The following CYP2C18 variants were observed in gnomAD, a reference collection of about 807,000 sequenced individuals.
CYP2C18 encodes the protein cytochrome P450 2C18.
Under a neutral mutation model 41.3 loss-of-function variants are expected in CYP2C18, and 38 were observed. The observed-to-expected ratio is 0.92, with a 90% CI of 0.71 to 1.21. The LOEUF (loss-of-function observed/expected upper bound fraction) is 1.21, where lower values mean the gene tolerates loss of function less well. CYP2C18 is among the 50% of genes most tolerant of loss of function. The probability of loss-of-function intolerance (pLI) is 0.00; values close to 1 mark genes in which losing one functional copy is unlikely to be tolerated. For missense variants in CYP2C18, 635 were observed against 591.4 expected, an observed-to-expected ratio of 1.07 and a Z score of -0.77; for synonymous variants, 236 against 210.0, an observed-to-expected ratio of 1.12 and a Z score of -1.07.
intron 1 of CYP2C18, among the ~76,000 whole-genome samples, chr10:94,687,291 G>A (rs1057055626): frequency 6.6e-6 from 1 of 151,428 alleles, no homozygotes; most frequent in African/African-American, 2.4e-5. Context: ...TTGATGACAG[G>A]ACTCCTGCAT....
chr10:94,699,565 C>A (rs980642965), intron 4 of CYP2C18, among the ~76,000 whole-genome samples: 3 of 152,140 alleles, frequency 2.0e-5, no homozygotes, highest in Non-Finnish European at 2.9e-5. Flanking sequence ...TGAAAACAGG[C>A]ACAAGACAGG....
intron 3 of CYP2C18, among the ~76,000 whole-genome samples, chr10:94,689,159 A>G (rs1475122564): frequency 6.6e-6 from 1 of 152,198 alleles, no homozygotes; most frequent in Non-Finnish European, 1.5e-5. Context: ...AATGTTTTAT[A>G]TATTTTAAGA....
intron 5 of CYP2C18, among the ~76,000 whole-genome samples, chr10:94,712,807 C>G (rs1181092348): frequency 6.6e-6 from 1 of 152,198 alleles, no homozygotes; most frequent in Non-Finnish European, 1.5e-5. Context: ...TTCCCATCAA[C>G]AGTACACAAG....
intron 3 of CYP2C18, among the ~76,000 whole-genome samples, chr10:94,694,406 C>A (rs1847074545): frequency 6.6e-6 from 1 of 152,084 alleles, no homozygotes; most frequent in Non-Finnish European, 1.5e-5. Flanking sequence ...TTTGTTCCAT[C>A]AACCTGAATT....
chr10:94,699,398 A>T (rs1847188346), intron 4 of CYP2C18, among the ~76,000 whole-genome samples: 1 of 152,152 alleles, frequency 6.6e-6, no homozygotes. Context: ...ACCTCAATAG[A>T]TGCAGAAAAG....
intron 4 of CYP2C18, among the ~76,000 whole-genome samples, chr10:94,696,859 C>G (rs970187225): frequency 2.6e-5 from 4 of 151,946 alleles, no homozygotes; most frequent in African/African-American, 9.7e-5. Flanking sequence ...CCGATTTGAT[C>G]AACTGGAAGA....
At chr10:94,729,613 G>A (rs559947691) in intron 7 of CYP2C18, among the ~76,000 whole-genome samples, 5 of 152,150 alleles carry the variant, frequency 3.3e-5, no homozygotes, top group Admixed American at 6.5e-5. Context: ...TTATCAATTC[G>A]AAAAACAGTA....
rs557071037 is a variant in CYP2C18, at chr10:94,731,935, G to A, written c.1150-1362G>A. On this transcript the variant is annotated intron_variant, in intron 7 of 8. Transcript: ENST00000285979. ...AGAATTCATGACTAAGTCCTCAAAAGCAATCACAATGAAAAAAAATTGATA... is the reference window on the plus strand; with the variant it reads ...AGAATTCATGACTAAGTCCTCAAAAACAATCACAATGAAAAAAAATTGATA... Among the ~76,000 whole-genome samples the A allele has an allele frequency of 8.6e-4, 131 of 152,092 alleles. 1 individual carries two copies. The highest frequency in any genetic ancestry group is 6.8e-3 in the Middle Eastern group (2 of 294).
intron 3 of CYP2C18, among the ~76,000 whole-genome samples, chr10:94,689,894 A>C (rs528936741): frequency 2.4e-4 from 36 of 152,184 alleles, no homozygotes; most frequent in African/African-American, 8.4e-4. Flanking sequence ...CCCAGAGCCC[A>C]CAGAAATTGT....
intron 7 of CYP2C18, 147 bp downstream of exon 7, chr10:94,724,680 G>C: frequency 2.6e-6 from 2 of 755,322 alleles, no homozygotes; most frequent in South Asian, 3.6e-5. Context: ...TTCCATTCCA[G>C]TTTGGGCCTA....
intron 5 of CYP2C18, among the ~76,000 whole-genome samples, chr10:94,715,154 A>G (rs752320405): frequency 2.6e-5 from 4 of 152,240 alleles, no homozygotes; most frequent in East Asian, 1.9e-4. Context: ...CTCTTTTCCT[A>G]ATTGAATACC....
intron 3 of CYP2C18, among the ~76,000 whole-genome samples, chr10:94,692,571 T>A (rs534386794): frequency 8.5e-4 from 129 of 152,314 alleles, no homozygotes; most frequent in Non-Finnish European, 1.6e-3. Context: ...ACACTGTTGG[T>A]GGGACTGTAA....
At chr10:94,718,653 C>G (rs1847597343) in intron 5 of CYP2C18, among the ~76,000 whole-genome samples, 1 of 152,060 alleles carries the variant, frequency 6.6e-6, no homozygotes, top group Non-Finnish European at 1.5e-5. Flanking sequence ...GACATGCTAA[C>G]AAGTCTCATC....
Position 94,683,783 on chromosome 10 carries a change from A to C in CYP2C18, c.-37A>C. The C allele has an allele frequency of 6.6e-7, 1 of 1,521,264 alleles. No homozygotes were observed. Among genetic ancestry groups the C allele is most frequent in the East Asian group, 2.3e-5 (1 of 42,874 alleles). The allele number at this position is 1,521,264 out of a possible 1,614,324, so 94.2% of individuals were successfully genotyped here. On this transcript the variant is annotated 5_prime_UTR_variant, in exon 1 of 9. Coordinates refer to ENST00000285979, the MANE Select transcript of CYP2C18 (RefSeq NM_000772.3). ...GAGTGTTATAAAAGCCTTGAAGTGA[A>C]AGCCCGCAGTTGTCTTACTAAGAAG...
intron 5 of CYP2C18, among the ~76,000 whole-genome samples, chr10:94,719,300 G>C (rs1050939810): frequency 6.6e-6 from 1 of 151,994 alleles, no homozygotes; most frequent in Non-Finnish European, 1.5e-5. Flanking sequence ...TCACATACAG[G>C]GTGTCATGTT....
rs1162067859 is a variant in CYP2C18, at chr10:94,735,399, T to C, written c.1428T>C (p.Phe476=). The change falls in exon 9 of 9, where the codon TTT becomes TTC. Residue 476 remains phenylalanine, a synonymous_variant. Transcript: ENST00000285979. ...DIDITPIANA[F]GRVPPLYQLC... is the part of the protein sequence containing the mutation. ...ACATCACCCCCATTGCCAATGCATT[T>C]GGTCGTGTGCCACCCTTGTACCAGC... 6.8e-6 allele frequency: 11 copies of C among 1,613,736 alleles called. No homozygotes were observed. Among genetic ancestry groups the C allele is most frequent in the Non-Finnish European group, 8.5e-6 (10 of 1,179,696 alleles).
At chr10:94,692,308 A>T (rs1847016351) in intron 3 of CYP2C18, among the ~76,000 whole-genome samples, 2 of 152,150 alleles carry the variant, frequency 1.3e-5, no homozygotes, top group Non-Finnish European at 2.9e-5. Context: ...AATCACAATG[A>T]ACTCAAACAA....
At chr10:94,710,542 C>A (rs1197224048) in intron 5 of CYP2C18, among the ~76,000 whole-genome samples, 1 of 152,136 alleles carries the variant, frequency 6.6e-6, no homozygotes, top group Non-Finnish European at 1.5e-5. Flanking sequence ...TTTAGATCTT[C>A]TTTAATTTCT....
In CYP2C18 at chr10:94,687,928, A is replaced by C. The variant is rs563730614; in HGVS notation, c.327A>C (p.Gly109=). 8.1e-6 allele frequency: 13 copies of C among 1,613,460 alleles called. No individual in the cohort carries two copies. In the Admixed American group the frequency reaches 2.0e-4, roughly 25 times the overall value. The change falls in exon 2 of 9, where the codon GGA becomes GGC. Residue 109 remains glycine (G), a synonymous_variant. Transcript: ENST00000285979. The part of the protein sequence containing the change: ...SFPVAEKVNK[G]LGILFSNGKR... Reference sequence around the variant, plus strand: ...CAGTGGCTGAAAAAGTTAACAAAGGACTTGGTAAATGTGCATGTATCGTGT... The same window carrying C: ...CAGTGGCTGAAAAAGTTAACAAAGGCCTTGGTAAATGTGCATGTATCGTGT...
Sources: gnomAD v4.1 joint callset for allele counts (sites outside exome capture counted in the v4.1 genomes callset) on GRCh38, gnomAD v4.1.1 for gene constraint, MANE v1.5 for transcripts, NCBI Gene and HGNC (gene_info 2026-07-23, HGNC 2026-07-21) for gene names.